Variants in CUEDC1 observed in about 807,000 individuals in gnomAD.
CUEDC1 encodes CUE domain-containing protein 1.
A neutral mutation model predicts 43.7 loss-of-function variants in CUEDC1; 30 were observed. The observed-to-expected ratio is 0.69, with a 90% CI of 0.51 to 0.93. CUEDC1 has a LOEUF of 0.93. CUEDC1 is among the 40% of genes least tolerant of loss of function. The pLI is 0.00. For synonymous variants in CUEDC1, 223 were observed against 223.6 expected (o/e 1.00, Z 0.02); for missense variants, 486 against 549.0 (o/e 0.89, Z 1.15).
intron 1 of CUEDC1, among the ~76,000 whole-genome samples, chr17:57,918,246 T>C (rs1346393103): frequency 1.3e-5 from 2 of 152,248 alleles, no homozygotes; most frequent in Non-Finnish European, 2.9e-5. Flanking sequence ...CAGACATGGA[T>C]GGCTTCCAGG....
In CUEDC1 at chr17:57,954,063, C is replaced by T. The variant is rs1050036932; in HGVS notation, c.-316+1162G>A. Among the ~76,000 whole-genome samples, 2 of 152,220 alleles carry T rather than the reference C, an allele frequency of 1.3e-5. No homozygotes were observed. The highest frequency in any genetic ancestry group is 2.4e-5 in the African/African-American group (1 of 41,448). On this transcript the variant is annotated intron_variant, in intron 1 of 10. Transcript: ENST00000577830. This position sits in a 1 kb window ranked among gnomAD's most constrained non-coding sequence, Gnocchi z 4.3. ...CAACCACATGGTGAGATGACTTCCT[C>T]CGTGAGAGAATTCCTGGGGTCCCTC...
In CUEDC1 at chr17:57,885,363, A is replaced by T. The variant is rs753031047; in HGVS notation, c.202T>A (p.Cys68Ser). 4.3e-6 allele frequency: 7 copies of T among 1,612,282 alleles called. No homozygotes were observed. The East Asian group carries it at 1.3e-4, about 31-fold the overall frequency. ...GCGCCGCTGTTGGCGCGCAGCACGC[A>T]TTCGATGATGTCGTAATCCATGTTG... ...FPNMDYDIIECVLRANSGAVD... is the reference protein window; with the variant it reads ...FPNMDYDIIESVLRANSGAVD... The change falls in exon 2 of 11, where the codon TGC becomes AGC. Residue 68 changes from cysteine (C) to serine (S), a missense_variant. Physicochemically the swap from Cys to Ser is moderately radical, Grantham distance 112. Transcript: ENST00000577830.
At chr17:57,893,390 CAG>C (rs2074376604) in intron 1 of CUEDC1, among the ~76,000 whole-genome samples, 1 of 124,320 alleles carries the variant, frequency 8.0e-6, no homozygotes, top group Admixed American at 7.6e-5. Flanking sequence ...GCAGCCCTGA[CAG>C]AGACGCCTTG....
At chr17:57,868,351 G>A in intron 7 of CUEDC1, 108 bp from the exon 8 acceptor site, 2 of 960,320 alleles carry the variant, frequency 2.1e-6, no homozygotes, top group Non-Finnish European at 3.3e-6. Context: ...CCCGGAGAGG[G>A]AGCAGGGGGC....
At chr17:57,894,342 G>T (rs1025803729) in intron 1 of CUEDC1, among the ~76,000 whole-genome samples, 1 of 152,170 alleles carries the variant, frequency 6.6e-6, no homozygotes, top group Non-Finnish European at 1.5e-5. Context: ...TGTAAGGGTG[G>T]GGCATTCCTT....
chr17:57,941,085 G>A lies in CUEDC1; in HGVS notation c.-316+14140C>T, dbSNP rs371297699. 3.3e-5 allele frequency among the ~76,000 whole-genome samples: 5 copies of A among 152,288 alleles called. No individual in the cohort carries two copies. In the East Asian group the frequency reaches 5.8e-4, roughly 18 times the overall value. On this transcript the variant is annotated intron_variant, in intron 1 of 10. Coordinates refer to ENST00000577830, the MANE Select transcript of CUEDC1 (RefSeq NM_001271875.2). Reference sequence around the variant, plus strand: ...GACAAGTGCTTCCCTTGCTCTGGGCGCAGACACATGGGAGAAGGCATCAAG... The same window carrying A: ...GACAAGTGCTTCCCTTGCTCTGGGCACAGACACATGGGAGAAGGCATCAAG...
intron 10 of CUEDC1, among the ~76,000 whole-genome samples, chr17:57,864,522 G>A (rs2073928239): frequency 6.6e-6 from 1 of 152,140 alleles, no homozygotes; most frequent in Non-Finnish European, 1.5e-5. Context: ...GCAGCTTCAG[G>A]AGAGATCAGG....
intron 8 of CUEDC1, 94 bp downstream of exon 8, chr17:57,868,056 A>T: frequency 9.4e-7 from 1 of 1,060,978 alleles, no homozygotes. Flanking sequence ...TTCCACTCCC[A>T]GGGGAGGGCA....
At chr17:57,877,949 C>T (rs2074149947) in intron 3 of CUEDC1, among the ~76,000 whole-genome samples, 1 of 151,916 alleles carries the variant, frequency 6.6e-6, no homozygotes, top group South Asian at 2.1e-4. Flanking sequence ...GTGATCTATC[C>T]CAGGCTGCAA....
chr17:57,914,679 G>T (rs2074619655), intron 1 of CUEDC1, among the ~76,000 whole-genome samples: 1 of 152,174 alleles, frequency 6.6e-6, no homozygotes, highest in Non-Finnish European at 1.5e-5. Context: ...ACTCCCAGGG[G>T]AGAGAGAAGG....
intron 1 of CUEDC1, among the ~76,000 whole-genome samples, chr17:57,910,998 C>T (rs2074577270): frequency 6.6e-6 from 1 of 152,158 alleles, no homozygotes; most frequent in South Asian, 2.1e-4. Context: ...CCATTTTCTC[C>T]CTATGCCACC....
intron 1 of CUEDC1, among the ~76,000 whole-genome samples, chr17:57,936,177 C>A (rs2074860062): frequency 6.6e-6 from 1 of 152,190 alleles, no homozygotes; most frequent in Non-Finnish European, 1.5e-5. Flanking sequence ...ACCACAGAGG[C>A]CTTGTGACCC....
intron 3 of CUEDC1, among the ~76,000 whole-genome samples, chr17:57,874,863 G>A (rs745877173): frequency 9.9e-5 from 15 of 152,082 alleles, no homozygotes; most frequent in Admixed American, 3.3e-4. Context: ...GGCCGGCGGC[G>A]GGGGCGAGGG....
intron 3 of CUEDC1, among the ~76,000 whole-genome samples, chr17:57,878,043 G>A (rs148242343): frequency 1.3e-5 from 2 of 152,030 alleles, no homozygotes; most frequent in African/African-American, 2.4e-5. Flanking sequence ...GGTACCACTC[G>A]TGACAAAGAT....
chr17:57,911,100 G>A (rs1598003708), intron 1 of CUEDC1, among the ~76,000 whole-genome samples: 1 of 152,304 alleles, frequency 6.6e-6, no homozygotes, highest in East Asian at 1.9e-4. Context: ...CTCATGCTCA[G>A]CAAGCATCAC....
chr17:57,899,649 C>T (rs990351076), intron 1 of CUEDC1, among the ~76,000 whole-genome samples: 2 of 152,172 alleles, frequency 1.3e-5, no homozygotes, highest in African/African-American at 4.8e-5. Flanking sequence ...CACACCAGCT[C>T]ACTCAACCCC....
chr17:57,890,508 C>T (rs1021123584), intron 1 of CUEDC1, among the ~76,000 whole-genome samples: 1 of 152,226 alleles, frequency 6.6e-6, no homozygotes, highest in Admixed American at 6.5e-5. Context: ...GAGGCTGACT[C>T]AAAGGCTCCC....
At chr17:57,870,216 C>G (rs2074015307) in intron 6 of CUEDC1, among the ~76,000 whole-genome samples, 1 of 152,234 alleles carries the variant, frequency 6.6e-6, no homozygotes, top group Admixed American at 6.5e-5. Context: ...GATGAGGGGC[C>G]ACTGTTCGCA....
chr17:57,886,409 G>T (rs2074290886), intron 1 of CUEDC1, among the ~76,000 whole-genome samples: 1 of 152,212 alleles, frequency 6.6e-6, no homozygotes, highest in African/African-American at 2.4e-5. Context: ...CACCACCAGG[G>T]CAGGAATCTT....
Sources: allele counts gnomAD v4.1 joint callset (sites outside exome capture counted in the v4.1 genomes callset), GRCh38; gene constraint gnomAD v4.1.1; non-coding constraint Gnocchi (gnomAD v3.1); transcripts MANE v1.5; gene names NCBI Gene and HGNC (gene_info 2026-07-23, HGNC 2026-07-21).